The following STX3 variants were observed in gnomAD, a reference collection of about 807,000 sequenced individuals.
STX3 encodes the protein syntaxin 3, also known as syntaxin-3.
In STX3, 19 loss-of-function variants were observed where a neutral mutation model predicts 40.2. The ratio of observed to expected loss-of-function variants is 0.47; its 90% CI spans 0.33 to 0.69. STX3 has a LOEUF of 0.69. STX3 is among the 30% of genes least tolerant of loss of function. STX3 has a pLI of 0.02. For synonymous variants in STX3, 122 were observed against 132.2 expected (o/e 0.92, Z 0.53); for missense variants, 364 against 366.7 (o/e 0.99, Z 0.06).
At chr11:59,770,879 G>A (rs1290265640) in intron 1 of STX3, among the ~76,000 whole-genome samples, 1 of 152,118 alleles carries the variant, frequency 6.6e-6, no homozygotes, top group Non-Finnish European at 1.5e-5. Flanking sequence ...GACTAGGGAA[G>A]ATCTGTAGAA....
Position 59,802,194 on chromosome 11 carries a change from G to C in STX3, c.*1370G>C. ...TAGCTCTTCCTGCTACTCGGTTAAT[G>C]AGCTTGGCAGGTTCTTTGTCTCACT... is the stretch of plus-strand genomic sequence containing the variant. On this transcript the variant is annotated 3_prime_UTR_variant, in exon 11 of 11. Coordinates refer to ENST00000337979, the MANE Select transcript of STX3 (RefSeq NM_004177.5). 1 of 985,476 alleles carries C rather than the reference G, an allele frequency of 1.0e-6. No homozygotes were observed. Among genetic ancestry groups the C allele is most frequent in the Non-Finnish European group, 1.2e-6 (1 of 829,990 alleles). The allele number at this position is 985,476 out of a possible 1,614,324, so 61.0% of individuals were successfully genotyped here.
intron 1 of STX3, among the ~76,000 whole-genome samples, chr11:59,763,341 C>T (rs1484561713): frequency 1.3e-5 from 2 of 152,158 alleles, no homozygotes; most frequent in African/African-American, 4.8e-5. Flanking sequence ...ATAACATCTA[C>T]CTAGAGGGCC....
chr11:59,769,355 G>C (rs568260011), intron 1 of STX3, among the ~76,000 whole-genome samples: 2 of 152,250 alleles, frequency 1.3e-5, no homozygotes, highest in South Asian at 4.1e-4. Flanking sequence ...TCTTTTCAGC[G>C]GGGCAGCGGG....
chr11:59,763,240 G>C (rs1436906719), intron 1 of STX3, among the ~76,000 whole-genome samples: 2 of 152,154 alleles, frequency 1.3e-5, no homozygotes, highest in Non-Finnish European at 2.9e-5. Context: ...CATTGGATTA[G>C]ACCACCCAGG....
rs974381759 is a variant in STX3 at position 59,800,761 on chromosome 11, T to C, written c.*31-94T>C. 6 of 1,529,532 alleles carry C rather than the reference T, an allele frequency of 3.9e-6. No homozygotes were observed. In the Middle Eastern group the frequency reaches 6.7e-4, roughly 171 times the overall value. The allele number at this position is 1,529,532 out of a possible 1,614,324, so 94.7% of individuals were successfully genotyped here. ...CTATTTCATAGTGATTTCTGGTCTT[T>C]CCTCCCCACCTTCCAGGTTTGTGGC... On this transcript the variant is annotated intron_variant, in intron 10 of 10. Coordinates refer to ENST00000337979, the MANE Select transcript of STX3 (RefSeq NM_004177.5).
Position 59,803,054 on chromosome 11 carries a change from C to T in STX3, c.*2230C>T, listed in dbSNP as rs1865953172. The stretch of plus-strand genomic sequence containing the variant: ...GAATGTCTCACCAAAAATAACATTT[C>T]TGTTGGCATTCTGGGTCCTAGAAGC... On this transcript the variant is annotated 3_prime_UTR_variant, in exon 11 of 11. Transcript: ENST00000337979. The T allele has an allele frequency of 1.0e-6, 1 of 985,448 alleles. No homozygotes were observed. Among genetic ancestry groups the T allele is most frequent in the South Asian group, 4.7e-5 (1 of 21,284 alleles). 61.0% of individuals were successfully genotyped at this position (985,448 alleles called of 1,614,324 possible). A position where few individuals can be genotyped will look rare whatever the true frequency, so the allele number is the denominator to read the frequency against.
chr11:59,801,825 A>C lies in STX3; in HGVS notation c.*1001A>C, dbSNP rs969353942. 1.0e-6 allele frequency: 1 copy of C among 984,928 alleles called. No individual in the cohort carries two copies. The highest frequency in any genetic ancestry group is 4.7e-5 in the South Asian group (1 of 21,278). 61.0% of individuals were successfully genotyped at this position (984,928 alleles called of 1,614,324 possible). On this transcript the variant is annotated 3_prime_UTR_variant, in exon 11 of 11. Transcript: ENST00000337979. The stretch of plus-strand genomic sequence containing the variant: ...AAAATGGAAGCTATTATGACCTCAA[A>C]AAAAAAAAGCCAACTTTGAGCTAGG...
chr11:59,787,304 G>T (rs569031), intron 3 of STX3, among the ~76,000 whole-genome samples, 168 bp downstream of exon 3: 1,897 of 152,138 alleles, frequency 0.012, 40 homozygotes, highest in African/African-American at 0.043. Context: ...AGCTCCTACT[G>T]CCTGGCCACA....
At position 59,763,002 on chromosome 11, in the gene STX3, G is replaced by A. The variant is rs368463173; in HGVS notation, c.30+7367G>A. Among the ~76,000 whole-genome samples, 5 of 152,274 alleles carry A rather than the reference G, an allele frequency of 3.3e-5. No individual in the cohort carries two copies. In the South Asian group the frequency reaches 6.2e-4, roughly 19 times the overall value. On this transcript the variant is annotated intron_variant, in intron 1 of 10. Transcript: ENST00000337979. ...CAACCTTGAATTCAGGCAAGGTTGG[G>A]CACTGCGTCTTCTCTTGGGTGTGTA...
At chr11:59,774,018 T>G (rs1863813078) in intron 2 of STX3, among the ~76,000 whole-genome samples, 1 of 150,070 alleles carries the variant, frequency 6.7e-6, no homozygotes, top group African/African-American at 2.5e-5. Flanking sequence ...CCCTCTGACT[T>G]AATTCTAGTG....
intron 1 of STX3, among the ~76,000 whole-genome samples, chr11:59,765,496 G>A (rs182278699): frequency 3.6e-4 from 55 of 152,208 alleles, no homozygotes; most frequent in African/African-American, 1.3e-3. Flanking sequence ...GAAGTGGGTA[G>A]CAAGGACAAG....
intron 1 of STX3, among the ~76,000 whole-genome samples, chr11:59,769,905 T>A (rs1444616852): frequency 6.7e-6 from 1 of 150,024 alleles, no homozygotes; most frequent in Non-Finnish European, 1.5e-5. Flanking sequence ...TTGGAGGGGA[T>A]GTGTTGGAGT....
At position 59,801,461 on chromosome 11, in the gene STX3, T is replaced by C; in HGVS notation, c.*637T>C. ...GCTTGGGGGGCAACTTTGATTTTTC[T>C]CTGTGTTGTAGTCTCTCATATTTAC... On this transcript the variant is annotated 3_prime_UTR_variant, in exon 11 of 11. Transcript: ENST00000337979. 1.0e-6 allele frequency: 1 copy of C among 986,646 alleles called. No individual in the cohort carries two copies. Among genetic ancestry groups the C allele is most frequent in the Non-Finnish European group, 1.2e-6 (1 of 830,702 alleles). 61.1% of individuals were successfully genotyped at this position (986,646 alleles called of 1,614,324 possible).
chr11:59,788,576 G>A (rs1157962965), intron 3 of STX3, among the ~76,000 whole-genome samples: 4 of 152,172 alleles, frequency 2.6e-5, no homozygotes, highest in African/African-American at 9.7e-5. Flanking sequence ...TAAAAGCAGA[G>A]TTTCCACAAT....
intron 1 of STX3, among the ~76,000 whole-genome samples, chr11:59,769,365 G>A (rs374699875): frequency 5.5e-4 from 84 of 152,236 alleles, no homozygotes; most frequent in African/African-American, 2.0e-3. Context: ...GGGGCAGCGG[G>A]GTTAGGCGCT....
chr11:59,769,148 C>T (rs570354238), intron 1 of STX3, among the ~76,000 whole-genome samples: 167 of 152,242 alleles, frequency 1.1e-3, no homozygotes, highest in African/African-American at 3.8e-3. Context: ...AGGGGTTAAA[C>T]CATCTGTTTA....
In STX3 at chr11:59,781,786, A is replaced by G; in HGVS notation, c.115-5251A>G. The G allele has an allele frequency of 3.4e-6, 5 of 1,488,254 alleles. No homozygotes were observed. The South Asian group carries it at 6.0e-5, about 18-fold the overall frequency. 92.2% of individuals were successfully genotyped at this position (1,488,254 alleles called of 1,614,324 possible). ...TTTTCTAAAGCAAAGAAGCAAACAA[A>G]TTAAAGAGGACTTGACTGAGCAGCT... On this transcript the variant is annotated intron_variant, in intron 2 of 10. Coordinates refer to ENST00000337979, the MANE Select transcript of STX3 (RefSeq NM_004177.5).
intron 3 of STX3, 57 bp from the exon 4 acceptor site, chr11:59,788,816 C>T: frequency 1.4e-6 from 2 of 1,465,128 alleles, no homozygotes; most frequent in Middle Eastern, 3.5e-4. Context: ...TGCTGTAGTT[C>T]ACAAAGGAAT....
intron 1 of STX3, among the ~76,000 whole-genome samples, chr11:59,761,355 C>T (rs1863023833): frequency 1.3e-5 from 2 of 152,332 alleles, no homozygotes; most frequent in South Asian, 4.1e-4. Context: ...TTTCCTCGGA[C>T]CCCGCAAACT....
Sources: allele counts gnomAD v4.1 joint callset (sites outside exome capture counted in the v4.1 genomes callset), GRCh38; gene constraint gnomAD v4.1.1; transcripts MANE v1.5; gene names NCBI Gene and HGNC (gene_info 2026-07-23, HGNC 2026-07-21).